Variants in PDK1 observed in about 807,000 individuals in gnomAD.
PDK1 encodes the protein pyruvate dehydrogenase kinase 1.
A neutral mutation model predicts 54.2 loss-of-function variants in PDK1; 39 were observed. The observed-to-expected ratio is 0.72, with a 90% CI of 0.56 to 0.94. The LOEUF (loss-of-function observed/expected upper bound fraction) is 0.94, where lower values mean the gene tolerates loss of function less well. Among genes scored for constraint, PDK1 ranks in the 40% least tolerant of loss-of-function variants. PDK1 has a pLI of 0.00. For missense variants in PDK1, 552 were observed against 566.0 expected, an observed-to-expected ratio of 0.98 and a Z score of 0.25; for synonymous variants, 221 against 207.1, an observed-to-expected ratio of 1.07 and a Z score of -0.58.
At position 172,569,163 on chromosome 2, in the gene PDK1, T is replaced by G. The variant is rs1484459422; in HGVS notation, c.846+346T>G. Among the ~76,000 whole-genome samples the G allele has an allele frequency of 5.3e-4, 80 of 152,230 alleles. 1 individual carries two copies. Among genetic ancestry groups the G allele is most frequent in the Non-Finnish European group, 1.5e-5 (1 of 68,038 alleles). ...TTTATGACTATTGGGAATAACATACTAAGTGTCCAGTACAGTGGCAACGTA... is the reference window on the plus strand; with the variant it reads ...TTTATGACTATTGGGAATAACATACGAAGTGTCCAGTACAGTGGCAACGTA... On this transcript the variant is annotated intron_variant, in intron 7 of 10. Coordinates refer to ENST00000282077, the MANE Select transcript of PDK1 (RefSeq NM_002610.5).
In PDK1 at chr2:172,603,043, C is replaced by G. The variant is rs565451306; in HGVS notation, c.*7074C>G. 96 of 152,294 alleles carry G rather than the reference C, an allele frequency of 6.3e-4. No individual in the cohort carries two copies. The highest frequency in any genetic ancestry group is 1.8e-3 in the African/African-American group (76 of 41,562). 9.4% of individuals were successfully genotyped at this position (152,294 alleles called of 1,614,324 possible). A position where few individuals can be genotyped will look rare whatever the true frequency, so the allele number is the denominator to read the frequency against. The stretch of plus-strand genomic sequence containing the variant: ...CTCCTGATGCGAATCACCTGGAGAT[C>G]TTGAGCAAATGCAGACTGGTTCAGC... On this transcript the variant is annotated 3_prime_UTR_variant, in exon 11 of 11. Coordinates refer to ENST00000282077, the MANE Select transcript of PDK1 (RefSeq NM_002610.5).
the PDK1 span, among the ~76,000 whole-genome samples, chr2:172,715,255 A>G: frequency 1.3e-5 from 2 of 152,116 alleles, no homozygotes; most frequent in African/African-American, 4.8e-5. Context: ...GTTTGCCTTT[A>G]CTTTAAGAAG....
At chr2:172,662,754 C>T in the PDK1 span, among the ~76,000 whole-genome samples, 1 of 152,114 alleles carries the variant, frequency 6.6e-6, no homozygotes, top group Non-Finnish European at 1.5e-5. Context: ...AATAATACAT[C>T]CTTTTTTTTC....
chr2:172,655,159 G>A, the PDK1 span, among the ~76,000 whole-genome samples: 16 of 152,354 alleles, frequency 1.1e-4, no homozygotes, highest in African/African-American at 3.8e-4. Context: ...GGTGGCTGGA[G>A]TCAGCAGGCT....
the PDK1 span, among the ~76,000 whole-genome samples, chr2:172,646,189 A>C: frequency 1.3e-5 from 2 of 152,206 alleles, no homozygotes; most frequent in African/African-American, 4.8e-5. Flanking sequence ...CTTCTTATAT[A>C]TGTCTGTTGA....
intron 8 of PDK1, among the ~76,000 whole-genome samples, chr2:172,573,618 T>C (rs1420623252): frequency 1.3e-5 from 2 of 151,022 alleles, no homozygotes; most frequent in East Asian, 1.9e-4. Context: ...TCTATTTGTG[T>C]GTATATATTC....
intron 9 of PDK1, among the ~76,000 whole-genome samples, chr2:172,588,112 G>A (rs896802195): frequency 6.6e-6 from 1 of 152,222 alleles, no homozygotes; most frequent in African/African-American, 2.4e-5. Context: ...CTCTAGTAAT[G>A]TCCTTCTCCA....
chr2:172,684,267 A>T, the PDK1 span, among the ~76,000 whole-genome samples: 1 of 152,008 alleles, frequency 6.6e-6, no homozygotes, highest in African/African-American at 2.4e-5. Flanking sequence ...CAAAAAATAC[A>T]AAAAATTAGC....
chr2:172,597,321 G>C lies in PDK1; in HGVS notation c.*1352G>C, dbSNP rs1380955801. On this transcript the variant is annotated 3_prime_UTR_variant, in exon 11 of 11. Coordinates refer to ENST00000282077, the MANE Select transcript of PDK1 (RefSeq NM_002610.5). The stretch of plus-strand genomic sequence containing the variant: ...GAGGTCTCAGTATGTTCCCAGGCTA[G>C]TGTTGAACTCCTGAGCTCAAGAAAT... The C allele has an allele frequency of 6.6e-6, 1 of 152,060 alleles. No homozygotes were observed. Among genetic ancestry groups the C allele is most frequent in the Non-Finnish European group, 1.5e-5 (1 of 68,030 alleles). The allele number at this position is 152,060 out of a possible 1,614,324, so 9.4% of individuals were successfully genotyped here. A position where few individuals can be genotyped will look rare whatever the true frequency, so the allele number is the denominator to read the frequency against.
chr2:172,680,618 C>T, the PDK1 span, among the ~76,000 whole-genome samples: 2 of 152,172 alleles, frequency 1.3e-5, no homozygotes, highest in Non-Finnish European at 2.9e-5. Context: ...TTCTCTCCCT[C>T]AGCCTCCCAA....
At chr2:172,629,302 T>A in the PDK1 span, among the ~76,000 whole-genome samples, 1 of 152,160 alleles carries the variant, frequency 6.6e-6, no homozygotes, top group Non-Finnish European at 1.5e-5. Flanking sequence ...ATGTTGCCTT[T>A]TCCAAAACCA....
At chr2:172,680,666 C>T in the PDK1 span, among the ~76,000 whole-genome samples, 1 of 152,184 alleles carries the variant, frequency 6.6e-6, no homozygotes. Context: ...CGTGGCTGGC[C>T]CTATTCTTTT....
the PDK1 span, among the ~76,000 whole-genome samples, chr2:172,676,806 A>G: frequency 2.6e-5 from 4 of 152,224 alleles, no homozygotes; most frequent in Non-Finnish European, 5.9e-5. Context: ...ATCTCATAAT[A>G]CAGAGAAATC....
the PDK1 span, among the ~76,000 whole-genome samples, chr2:172,635,413 T>C: frequency 2.0e-5 from 3 of 152,076 alleles, no homozygotes; most frequent in Non-Finnish European, 4.4e-5. Context: ...CCTCCCGGGT[T>C]CAAGTGATTC....
At chr2:172,707,672 A>G in the PDK1 span, among the ~76,000 whole-genome samples, 3 of 152,168 alleles carry the variant, frequency 2.0e-5, no homozygotes, top group Non-Finnish European at 2.9e-5. Flanking sequence ...CGTTTTATAT[A>G]TAATGTTCAA....
intron 1 of PDK1, chr2:172,558,182 G>C (rs1688455701): frequency 6.6e-6 from 1 of 152,374 alleles, no homozygotes; most frequent in African/African-American, 2.4e-5. Flanking sequence ...AGTGGGAGTG[G>C]AGAAGGAACA....
the PDK1 span, among the ~76,000 whole-genome samples, chr2:172,683,779 A>G: frequency 6.6e-6 from 1 of 152,166 alleles, no homozygotes; most frequent in Non-Finnish European, 1.5e-5. Flanking sequence ...AATAGGGAGA[A>G]ACCAGCAAAA....
At chr2:172,584,826 TAA>T (rs1690122269) in intron 8 of PDK1, among the ~76,000 whole-genome samples, 1 of 146,886 alleles carries the variant, frequency 6.8e-6, no homozygotes, top group African/African-American at 2.5e-5. Context: ...TGGGTAATTT[TAA>T]AGTTTTTTTT....
rs2149230539 is a variant in PDK1 at position 172,570,755 on chromosome 2, T to C, written c.876T>C (p.His292=). 4 of 1,609,516 alleles carry C rather than the reference T, an allele frequency of 2.5e-6. No individual in the cohort carries two copies. The highest frequency in any genetic ancestry group is 3.4e-6 in the Non-Finnish European group (4 of 1,176,014). Residue 292 remains histidine (H), a synonymous_variant, in exon 8 of 11, where the codon CAT becomes CAC. Coordinates refer to ENST00000282077, the MANE Select transcript of PDK1 (RefSeq NM_002610.5). ...CAATGAGAGCCACTATGGAACACCA[T>C]GCCAACAGAGGTGTTTACCCCCCTA... The part of the protein sequence containing the change: ...KNAMRATMEH[H]ANRGVYPPIQ...
Sources: gnomAD v4.1 joint callset for allele counts (sites outside exome capture counted in the v4.1 genomes callset) on GRCh38, gnomAD v4.1.1 for gene constraint, MANE v1.5 for transcripts, NCBI Gene and HGNC (gene_info 2026-07-23, HGNC 2026-07-21) for gene names.